Variants in WWOX observed in about 807,000 individuals in gnomAD.
The protein encoded by WWOX is WW domain containing oxidoreductase.
WWOX carries 69 observed loss-of-function variants against 46.2 expected under a neutral mutation model. That is an observed-to-expected ratio of 1.49 (90% CI 1.23 to 1.82). WWOX has a LOEUF of 1.82. Among genes scored for constraint, WWOX ranks in the 40% most tolerant of loss-of-function variants. WWOX has a pLI of 0.00. For missense variants in WWOX, 919 were observed against 542.6 expected, an observed-to-expected ratio of 1.69 and a Z score of -6.89; for synonymous variants, 359 against 202.6, an observed-to-expected ratio of 1.77 and a Z score of -6.56.
intron 8 of WWOX, among the ~76,000 whole-genome samples, chr16:79,163,817 AGAG>A (rs1162936306): frequency 8.2e-5 from 8 of 97,164 alleles, no homozygotes; most frequent in African/African-American, 1.9e-4. Context: ...AAAAAAAAAA[AGAG>A]AGAGAGAATA....
chr16:78,649,838 C>G (rs190688804), intron 8 of WWOX, among the ~76,000 whole-genome samples: 2 of 152,242 alleles, frequency 1.3e-5, no homozygotes, highest in East Asian at 1.9e-4. Flanking sequence ...GATGGGCATA[C>G]AGAGGAATTA....
Position 79,072,496 on chromosome 16 carries a change from G to A in WWOX, c.1057-139112G>A, listed in dbSNP as rs557036706. Among the ~76,000 whole-genome samples, 13 of 152,200 alleles carry A rather than the reference G, an allele frequency of 8.5e-5. 1 individual carries two copies. The South Asian group carries it at 2.7e-3, about 32-fold the overall frequency. On this transcript the variant is annotated intron_variant, in intron 8 of 8. Transcript: ENST00000566780. ...GGAGATGTGGTAAGAGTTTATTTCTGGACAGAGAAAAGCTACACCATTCAT... is the reference window on the plus strand; with the variant it reads ...GGAGATGTGGTAAGAGTTTATTTCTAGACAGAGAAAAGCTACACCATTCAT...
chr16:78,312,466 C>T (rs908258428), intron 5 of WWOX, among the ~76,000 whole-genome samples: 5 of 150,338 alleles, frequency 3.3e-5, no homozygotes, highest in Admixed American at 6.7e-5. Context: ...CAACCTCCAC[C>T]TCCTGTGTTC....
At chr16:78,428,343 C>G (rs908658185) in intron 7 of WWOX, among the ~76,000 whole-genome samples, 1 of 152,176 alleles carries the variant, frequency 6.6e-6, no homozygotes, top group Non-Finnish European at 1.5e-5. Flanking sequence ...CCGTTTCTGG[C>G]TCAGACAGAT....
intron 8 of WWOX, among the ~76,000 whole-genome samples, chr16:78,605,832 AGT>A (rs1003602064): frequency 6.6e-6 from 1 of 151,838 alleles, no homozygotes; most frequent in Non-Finnish European, 1.5e-5. Context: ...GGTTAAGTGG[AGT>A]GTGTGTGTGT....
intron 8 of WWOX, among the ~76,000 whole-genome samples, chr16:79,195,654 A>G (rs1160549618): frequency 2.0e-5 from 3 of 152,208 alleles, no homozygotes; most frequent in Non-Finnish European, 2.9e-5. Context: ...GGAGAAGGTA[A>G]AGCTACAAAG....
At chr16:78,705,132 G>T (rs1340776268) in intron 8 of WWOX, among the ~76,000 whole-genome samples, 1 of 152,060 alleles carries the variant, frequency 6.6e-6, no homozygotes, top group Non-Finnish European at 1.5e-5. Context: ...TTAGAGAAAA[G>T]GCTGTGATTT....
chr16:78,431,840 C>G (rs146466945), intron 7 of WWOX, among the ~76,000 whole-genome samples: 11 of 152,032 alleles, frequency 7.2e-5, no homozygotes, highest in Non-Finnish European at 4.4e-5. Context: ...CCTCAGCCCC[C>G]CAAGTAGCTG....
intron 8 of WWOX, among the ~76,000 whole-genome samples, chr16:78,860,955 A>G (rs755492036): frequency 3.9e-5 from 6 of 152,108 alleles, no homozygotes; most frequent in East Asian, 1.9e-4. Context: ...AGCTGGGACT[A>G]CAGGCGCATG....
intron 6 of WWOX, among the ~76,000 whole-genome samples, chr16:78,387,618 G>A (rs946853638): frequency 2.2e-4 from 33 of 152,156 alleles, no homozygotes; most frequent in African/African-American, 7.5e-4. Context: ...CAGACAGGAG[G>A]CCTCAAACCC....
At position 78,922,255 on chromosome 16, in the gene WWOX, A is replaced by G. The variant is rs1210040544; in HGVS notation, c.1057-289353A>G. Among the ~76,000 whole-genome samples the G allele has an allele frequency of 2.0e-5, 3 of 152,290 alleles. No homozygotes were observed. The East Asian group carries it at 5.8e-4, about 29-fold the overall frequency. ...TTTAAGAATGGTTCATCTGCAACCT[A>G]AGGTTACATGGGTGTAGTTAGGCCC... is the stretch of plus-strand genomic sequence containing the variant. On this transcript the variant is annotated intron_variant, in intron 8 of 8. Coordinates refer to ENST00000566780, the MANE Select transcript of WWOX (RefSeq NM_016373.4).
intron 8 of WWOX, among the ~76,000 whole-genome samples, chr16:79,075,889 T>A (rs1397034200): frequency 6.6e-6 from 1 of 152,228 alleles, no homozygotes; most frequent in Non-Finnish European, 1.5e-5. Context: ...TTATGTTTTT[T>A]CCTGTTGCTT....
At chr16:78,245,684 G>C (rs771248509) in intron 5 of WWOX, among the ~76,000 whole-genome samples, 1 of 152,198 alleles carries the variant, frequency 6.6e-6, no homozygotes, top group Admixed American at 6.5e-5. Context: ...GTGGGGATTT[G>C]TCATCCCATA....
intron 8 of WWOX, among the ~76,000 whole-genome samples, chr16:79,169,352 A>T (rs1282566295): frequency 1.3e-5 from 2 of 152,166 alleles, no homozygotes; most frequent in East Asian, 3.9e-4. Context: ...GACTGCATAA[A>T]CCACAACAAC....
At chr16:78,724,769 G>T (rs2048784735) in intron 8 of WWOX, among the ~76,000 whole-genome samples, 2 of 152,068 alleles carry the variant, frequency 1.3e-5, no homozygotes, top group South Asian at 4.1e-4. Context: ...GACATTTTCT[G>T]GGGAGCAGTG....
At chr16:78,445,638 G>T (rs2083541828) in intron 8 of WWOX, among the ~76,000 whole-genome samples, 1 of 152,198 alleles carries the variant, frequency 6.6e-6, no homozygotes, top group South Asian at 2.1e-4. Context: ...CAGGTTTACA[G>T]GCTGAGGTGG....
At chr16:78,851,402 C>T (rs141611895) in intron 8 of WWOX, among the ~76,000 whole-genome samples, 141 of 152,280 alleles carry the variant, frequency 9.3e-4, no homozygotes, top group African/African-American at 3.1e-3. Flanking sequence ...GGCAGAAGTA[C>T]GGGTACTGAG....
intron 8 of WWOX, among the ~76,000 whole-genome samples, chr16:78,731,175 C>T (rs1382603816): frequency 6.6e-6 from 1 of 152,112 alleles, no homozygotes; most frequent in Admixed American, 6.6e-5. Flanking sequence ...TCTTGGGCAA[C>T]TGAGACCGTG....
At position 78,652,424 on chromosome 16, in the gene WWOX, A is replaced by AG. The variant is rs1310164813; in HGVS notation, c.1056+219672_1056+219673insG. ...ACTCCGTCTCAAAAAAAAAAAAAAA[A>AG]AAAAAAAGAAAAAGAAAAAGGTGTT... On this transcript the variant is annotated intron_variant, in intron 8 of 8. Transcript: ENST00000566780. Among the ~76,000 whole-genome samples the AG allele has an allele frequency of 2.0e-3, 292 of 148,822 alleles. 1 individual carries two copies. The highest frequency in any genetic ancestry group is 3.3e-3 in the Non-Finnish European group (221 of 67,620).
Sources: allele counts gnomAD v4.1 joint callset (sites outside exome capture counted in the v4.1 genomes callset), GRCh38; gene constraint gnomAD v4.1.1; transcripts MANE v1.5; gene names NCBI Gene and HGNC (gene_info 2026-07-23, HGNC 2026-07-21).